The following HAO2 variants were observed in gnomAD, a reference collection of about 807,000 sequenced individuals.
The protein encoded by HAO2 is 2-Hydroxyacid oxidase 2.
A neutral mutation model predicts 37.4 loss-of-function variants in HAO2; 42 were observed. That is an observed-to-expected ratio of 1.12 (90% CI 0.88 to 1.45). The LOEUF (loss-of-function observed/expected upper bound fraction) is 1.45. HAO2 is among the 40% of genes most tolerant of loss of function. The pLI is 0.00. For synonymous variants in HAO2, 180 were observed against 162.8 expected (o/e 1.11, Z -0.81); for missense variants, 476 against 430.2 (o/e 1.11, Z -0.94).
At chr1:119,382,525 T>C (rs1650034410) in intron 2 of HAO2, among the ~76,000 whole-genome samples, 1 of 152,168 alleles carries the variant, frequency 6.6e-6, no homozygotes, top group Non-Finnish European at 1.5e-5. Context: ...GAAAAGAGAC[T>C]GGAACCTCTT....
At chr1:119,393,643 A>G (rs1651088218) in intron 7 of HAO2, 142 bp from the exon 8 acceptor site, 2 of 738,888 alleles carry the variant, frequency 2.7e-6, no homozygotes, top group Non-Finnish European at 5.0e-6. Flanking sequence ...GAATTACGTT[A>G]TTCATTCTGT....
chr1:119,369,751 C>T (rs1396117089), intron 1 of HAO2, among the ~76,000 whole-genome samples: 2 of 151,976 alleles, frequency 1.3e-5, no homozygotes, highest in East Asian at 1.9e-4. Context: ...TTGCCAAATT[C>T]CCAGGTAACT....
chr1:119,386,820 G>T lies in HAO2; in HGVS notation c.760G>T (p.Val254Phe). Residue 254 changes from valine to phenylalanine, a missense_variant, in exon 5 of 8, where the codon GTT becomes TTT. Transcript: ENST00000325945. ...SNHGGRQLDE[V>F]LASIDALTEV... is the part of the protein sequence containing the mutation. The stretch of plus-strand genomic sequence containing the variant: ...CCATGGTGGGAGGCAGCTTGATGAG[G>T]TTCTTGCTTCAGTAAGTAGGATTAC... 6.2e-7 allele frequency: 1 copy of T among 1,607,842 alleles called. No individual in the cohort carries two copies. Among genetic ancestry groups the T allele is most frequent in the Non-Finnish European group, 8.5e-7 (1 of 1,174,370 alleles).
At chr1:119,377,534 C>G (rs1267697277) in intron 1 of HAO2, among the ~76,000 whole-genome samples, 1 of 152,182 alleles carries the variant, frequency 6.6e-6, no homozygotes, top group Non-Finnish European at 1.5e-5. Flanking sequence ...TCCACATTTT[C>G]GGGTATCTTT....
chr1:119,378,929 T>C (rs587598160), intron 1 of HAO2, among the ~76,000 whole-genome samples: 66 of 152,342 alleles, frequency 4.3e-4, no homozygotes, highest in African/African-American at 1.4e-3. Context: ...ACTATCCTAA[T>C]GCCTGGGAAT....
intron 7 of HAO2, 48 bp from the exon 8 acceptor site, chr1:119,393,737 T>C (rs1254341214): frequency 6.5e-7 from 1 of 1,541,198 alleles, no homozygotes; most frequent in Non-Finnish European, 9.0e-7. Context: ...ATGAGGTGAG[T>C]TGCTTGTGTT....
At chr1:119,374,985 A>G (rs1367777655) in intron 1 of HAO2, among the ~76,000 whole-genome samples, 1 of 152,098 alleles carries the variant, frequency 6.6e-6, no homozygotes, top group African/African-American at 2.4e-5. Context: ...TGCTAATTTT[A>G]CCTCACTGTT....
chr1:119,389,405 C>A (rs994537168), intron 5 of HAO2, among the ~76,000 whole-genome samples: 1 of 151,210 alleles, frequency 6.6e-6, no homozygotes, highest in Non-Finnish European at 1.5e-5. Context: ...AGCTCACATT[C>A]CCACCAGCAG....
chr1:119,378,365 G>T (rs587670242), intron 1 of HAO2, among the ~76,000 whole-genome samples: 27 of 152,270 alleles, frequency 1.8e-4, no homozygotes, highest in African/African-American at 5.8e-4. Context: ...ATGACATGTG[G>T]GGATTATAGG....
At chr1:119,369,584 T>C (rs1648799334) in intron 1 of HAO2, among the ~76,000 whole-genome samples, 1 of 152,228 alleles carries the variant, frequency 6.6e-6, no homozygotes, top group Non-Finnish European at 1.5e-5. Context: ...TAACTACTAC[T>C]ATATTCTGCA....
intron 1 of HAO2, among the ~76,000 whole-genome samples, chr1:119,375,468 T>C (rs1047748071): frequency 2.0e-5 from 3 of 152,136 alleles, no homozygotes; most frequent in African/African-American, 7.2e-5. Flanking sequence ...ACCTACAAAA[T>C]TATCTCGAGT....
chr1:119,381,832 C>A (rs922776642), intron 2 of HAO2, among the ~76,000 whole-genome samples: 1 of 152,120 alleles, frequency 6.6e-6, no homozygotes, highest in African/African-American at 2.4e-5. Flanking sequence ...ATTTGTAATA[C>A]ATAAAAATTA....
Position 119,392,095 on chromosome 1 carries a change from G to C in HAO2, c.772-15G>C. Reference sequence around the variant, plus strand: ...AAATAGAAAGCCCTCCAGCCCATGTGTATCTCCTTTTCAGATTGATGCTTT... The same window carrying C: ...AAATAGAAAGCCCTCCAGCCCATGTCTATCTCCTTTTCAGATTGATGCTTT... On this transcript the variant is annotated splice_polypyrimidine_tract_variant and intron_variant, in intron 5 of 7. Coordinates refer to ENST00000325945, the MANE Select transcript of HAO2 (RefSeq NM_016527.4). 6.2e-7 allele frequency: 1 copy of C among 1,608,006 alleles called. No homozygotes were observed. The highest frequency in any genetic ancestry group is 8.5e-7 in the Non-Finnish European group (1 of 1,176,662).
At chr1:119,385,333 A>C in intron 4 of HAO2, 1 of 985,342 alleles carries the variant, frequency 1.0e-6, no homozygotes, top group Non-Finnish European at 1.2e-6. Flanking sequence ...AGAAATAGGA[A>C]AGCCACGGAA....
chr1:119,368,855 T>G lies in HAO2; in HGVS notation c.-56T>G, dbSNP rs1648718383. On this transcript the variant is annotated 5_prime_UTR_variant, in exon 1 of 8. Transcript: ENST00000325945. ...GGCAGTGAGCCAGGCTTTGAGTGGC[T>G]GCGTCTAAACACTTCTTTCCCTGAG... The G allele has an allele frequency of 6.6e-6, 1 of 152,246 alleles. No individual in the cohort carries two copies. The highest frequency in any genetic ancestry group is 2.4e-5 in the African/African-American group (1 of 41,452). 9.4% of individuals were successfully genotyped at this position (152,246 alleles called of 1,614,324 possible).
At chr1:119,389,523 T>C (rs1237791518) in intron 5 of HAO2, among the ~76,000 whole-genome samples, 1 of 152,124 alleles carries the variant, frequency 6.6e-6, no homozygotes, top group African/African-American at 2.4e-5. Flanking sequence ...TTGATTTGCA[T>C]TTCCCTAATC....
chr1:119,380,797 G>A lies in HAO2; in HGVS notation c.-8-281G>A, dbSNP rs184590585. On this transcript the variant is annotated intron_variant, in intron 1 of 7. Transcript: ENST00000325945. ...TGGGGCCTCAACTAGGTCTAAGGTGGTGTGTGTACAGTGGAGGAGAAGATA... is the reference window on the plus strand; with the variant it reads ...TGGGGCCTCAACTAGGTCTAAGGTGATGTGTGTACAGTGGAGGAGAAGATA... The A allele has an allele frequency of 2.3e-5, 22 of 948,712 alleles. No homozygotes were observed. The East Asian group carries it at 3.1e-4, about 13-fold the overall frequency. The allele number at this position is 948,712 out of a possible 1,614,324, so 58.8% of individuals were successfully genotyped here.
intron 1 of HAO2, among the ~76,000 whole-genome samples, chr1:119,373,866 A>G (rs147921431): frequency 4.6e-4 from 70 of 152,320 alleles, no homozygotes; most frequent in African/African-American, 1.6e-3. Flanking sequence ...AGATTATTAT[A>G]TAAATCAGAA....
chr1:119,388,521 T>C (rs587674845), intron 5 of HAO2, among the ~76,000 whole-genome samples: 1 of 152,320 alleles, frequency 6.6e-6, no homozygotes, highest in Admixed American at 6.5e-5. Flanking sequence ...CAACTTGATA[T>C]TCTCCCAAGC....
Sources: allele counts gnomAD v4.1 joint callset (sites outside exome capture counted in the v4.1 genomes callset), GRCh38; gene constraint gnomAD v4.1.1; transcripts MANE v1.5; gene names NCBI Gene and HGNC (gene_info 2026-07-23, HGNC 2026-07-21).